HACE1: variants seen among roughly 807,000 people sequenced by gnomAD.
HACE1 encodes HECT domain and ankyrin repeat containing E3 ubiquitin protein ligase 1.
A neutral mutation model predicts 118.4 loss-of-function variants in HACE1; 73 were observed. That is an observed-to-expected ratio of 0.62 (90% CI 0.51 to 0.75). The LOEUF (loss-of-function observed/expected upper bound fraction) is 0.75, where lower values mean the gene tolerates loss of function less well. HACE1 is among the 30% of genes least tolerant of loss of function. The pLI, the probability that HACE1 is intolerant of heterozygous loss-of-function variation, is 0.00. For synonymous variants in HACE1, 368 were observed against 374.8 expected (o/e 0.98, Z 0.21); for missense variants, 749 against 1,102.2 (o/e 0.68, Z 4.54).
At chr6:104,799,242 G>A (rs576741813) in intron 7 of HACE1, among the ~76,000 whole-genome samples, 2 of 152,150 alleles carry the variant, frequency 1.3e-5, no homozygotes, top group Admixed American at 6.5e-5. Flanking sequence ...ATACTTTTGA[G>A]TTCCTCTGTA....
intron 6 of HACE1, among the ~76,000 whole-genome samples, chr6:104,815,640 G>A (rs1772032281): frequency 7.3e-6 from 1 of 137,924 alleles, no homozygotes; most frequent in South Asian, 2.2e-4. Context: ...TGGGATTACA[G>A]GCCTGACCCA....
chr6:104,733,468 T>A (rs1775426840), intron 22 of HACE1, among the ~76,000 whole-genome samples: 1 of 152,118 alleles, frequency 6.6e-6, no homozygotes, highest in African/African-American at 2.4e-5. Context: ...ATGAGAAAAA[T>A]AAATAAAACA....
intron 22 of HACE1, among the ~76,000 whole-genome samples, chr6:104,739,124 A>AT (rs1201592650): frequency 6.6e-6 from 1 of 152,060 alleles, no homozygotes; most frequent in South Asian, 2.1e-4. Flanking sequence ...ATGCTGAGAG[A>AT]TTTTGTCACC....
intron 6 of HACE1, among the ~76,000 whole-genome samples, chr6:104,816,254 C>G (rs1037425581): frequency 6.6e-6 from 1 of 152,228 alleles, no homozygotes; most frequent in African/African-American, 2.4e-5. Context: ...CAGGGCATGT[C>G]AGAGACCTTC....
At chr6:104,767,482 C>T (rs1780140685) in intron 19 of HACE1, among the ~76,000 whole-genome samples, 1 of 152,150 alleles carries the variant, frequency 6.6e-6, no homozygotes, top group Admixed American at 6.5e-5. Context: ...AGTACCGCCC[C>T]ATTTCAACCC....
At chr6:104,840,689 C>A (rs1482756172) in intron 5 of HACE1, among the ~76,000 whole-genome samples, 3 of 151,828 alleles carry the variant, frequency 2.0e-5, no homozygotes, top group Non-Finnish European at 2.9e-5. Context: ...AAAGGCTGGG[C>A]GCGGTGGCTC....
chr6:104,796,721 T>A lies in HACE1; in HGVS notation c.750A>T (p.Gln250His), dbSNP rs150606553. 1.9e-6 allele frequency: 3 copies of A among 1,593,788 alleles called. No homozygotes were observed. The highest frequency in any genetic ancestry group is 2.6e-6 in the Non-Finnish European group (3 of 1,162,232). Residue 250 changes from glutamine to histidine, a missense_variant, in exon 9 of 24, where the codon CAA (glutamine) becomes CAT (histidine). Physicochemically the swap from Gln to His is conservative, Grantham distance 24. Coordinates refer to ENST00000262903, the MANE Select transcript of HACE1 (RefSeq NM_020771.4). ...GYGETCEVLI[Q>H]YHPRLFQTII... ...TAGTCTGAAAAAGCCTCGGGTGATA[T>A]TGAATTAATACTTCACAAGTCTCTC...
chr6:104,818,911 T>C (rs1298602498), intron 6 of HACE1, among the ~76,000 whole-genome samples: 1 of 152,010 alleles, frequency 6.6e-6, no homozygotes, highest in Non-Finnish European at 1.5e-5. Context: ...GAACCATCTA[T>C]GACAAACTCA....
intron 7 of HACE1, among the ~76,000 whole-genome samples, chr6:104,799,470 G>C (rs958082121): frequency 2.6e-5 from 4 of 152,170 alleles, no homozygotes; most frequent in Non-Finnish European, 4.4e-5. Flanking sequence ...CTGATTCTGA[G>C]TGCTGCCTGA....
chr6:104,754,132 T>G (rs748500141), intron 19 of HACE1, among the ~76,000 whole-genome samples: 19 of 151,788 alleles, frequency 1.3e-4, no homozygotes, highest in Non-Finnish European at 2.2e-4. Context: ...AATAGCAGAA[T>G]AGACCAAGCA....
intron 6 of HACE1, among the ~76,000 whole-genome samples, chr6:104,821,740 T>G (rs1772738156): frequency 6.6e-6 from 1 of 152,208 alleles, no homozygotes; most frequent in Non-Finnish European, 1.5e-5. Flanking sequence ...CACTATTCTA[T>G]TTATCAAAAA....
chr6:104,839,993 G>A (rs781120469), intron 5 of HACE1, among the ~76,000 whole-genome samples: 24 of 152,038 alleles, frequency 1.6e-4, no homozygotes, highest in Non-Finnish European at 2.4e-4. Context: ...GCAACAGAGC[G>A]AGACTCTGTC....
chr6:104,794,337 T>C (rs1260650319), intron 10 of HACE1, among the ~76,000 whole-genome samples: 1 of 152,110 alleles, frequency 6.6e-6, no homozygotes. Flanking sequence ...GAAGAAAAAA[T>C]AAGTTTTCTA....
chr6:104,772,261 G>T (rs1780707983), intron 17 of HACE1, among the ~76,000 whole-genome samples, 187 bp from the exon 18 acceptor site: 1 of 152,136 alleles, frequency 6.6e-6, no homozygotes, highest in South Asian at 2.1e-4. Context: ...AAGTATAGAT[G>T]ATAATCATTT....
chr6:104,838,823 C>A (rs1283163806), intron 5 of HACE1, among the ~76,000 whole-genome samples: 3 of 136,664 alleles, frequency 2.2e-5, no homozygotes, highest in Non-Finnish European at 4.6e-5. Context: ...GAGAAAATAA[C>A]TGCAAACTAT....
rs1423846338 is a variant in HACE1 at position 104,814,496 on chromosome 6, A to C, written c.535-3103T>G. Among the ~76,000 whole-genome samples the C allele has an allele frequency of 4.3e-5, 6 of 138,756 alleles. 1 individual carries two copies. Among genetic ancestry groups the C allele is most frequent in the Admixed American group, 7.1e-5 (1 of 14,014 alleles). 91.0% of individuals were successfully genotyped at this position (138,756 alleles called of 152,430 possible). Reference sequence around the variant, plus strand: ...TTTAACTATTTTATAAGATTTTTTAAATTATCTTCAATGCACCTTTTCTCA... The same window carrying C: ...TTTAACTATTTTATAAGATTTTTTACATTATCTTCAATGCACCTTTTCTCA... On this transcript the variant is annotated intron_variant, in intron 6 of 23. Coordinates refer to ENST00000262903, the MANE Select transcript of HACE1 (RefSeq NM_020771.4).
chr6:104,784,564 G>C lies in HACE1; in HGVS notation c.1410-79C>G. ...ATAGCGAACTTGATAAATATATACT[G>C]AACTGGACTGGCTTCTAAACCAAAA... On this transcript the variant is annotated intron_variant, in intron 12 of 23. Coordinates refer to ENST00000262903, the MANE Select transcript of HACE1 (RefSeq NM_020771.4). 5 of 942,444 alleles carry C rather than the reference G, an allele frequency of 5.3e-6. 1 individual carries two copies. The South Asian group carries it at 5.7e-5, about 11-fold the overall frequency. The allele number at this position is 942,444 out of a possible 1,614,324, so 58.4% of individuals were successfully genotyped here. A position where few individuals can be genotyped will look rare whatever the true frequency, so the allele number is the denominator to read the frequency against.
intron 19 of HACE1, among the ~76,000 whole-genome samples, chr6:104,758,205 A>T (rs192626587): frequency 2.6e-5 from 4 of 152,296 alleles, no homozygotes; most frequent in African/African-American, 9.6e-5. Context: ...GAACACCACA[A>T]AGATACTCCT....
intron 2 of HACE1, among the ~76,000 whole-genome samples, chr6:104,851,461 C>G (rs1271917482): frequency 6.6e-6 from 1 of 152,206 alleles, no homozygotes; most frequent in Non-Finnish European, 1.5e-5. Context: ...TGTTAGCCAG[C>G]TCAGTATCAT....
Sources: allele counts gnomAD v4.1 joint callset (sites outside exome capture counted in the v4.1 genomes callset), GRCh38; gene constraint gnomAD v4.1.1; transcripts MANE v1.5; gene names NCBI Gene and HGNC (gene_info 2026-07-23, HGNC 2026-07-21).